ADGRG6: variants seen among roughly 807,000 people sequenced by gnomAD.
ADGRG6 encodes the protein adhesion G protein-coupled receptor G6, also known as G-protein coupled receptor 126.
Under a neutral mutation model 142.4 loss-of-function variants are expected in ADGRG6, and 84 were observed. The ratio of observed to expected loss-of-function variants is 0.59; its 90% CI spans 0.49 to 0.71. The LOEUF is 0.71. Among genes scored for constraint, ADGRG6 ranks in the 30% least tolerant of loss-of-function variants. The pLI is 0.00. For synonymous variants in ADGRG6, 521 were observed against 520.5 expected (o/e 1.00, Z -0.01); for missense variants, 1,367 against 1,466.6 (o/e 0.93, Z 1.11).
At chr6:142,363,375 A>T (rs994895426) in intron 2 of ADGRG6, among the ~76,000 whole-genome samples, 1 of 152,168 alleles carries the variant, frequency 6.6e-6, no homozygotes. Context: ...TTAAATCTAT[A>T]TCAAAATGTT....
chr6:142,329,243 T>C (rs571365831), intron 2 of ADGRG6, among the ~76,000 whole-genome samples: 2 of 152,176 alleles, frequency 1.3e-5, no homozygotes, highest in Non-Finnish European at 2.9e-5. Flanking sequence ...CCAAGGACTT[T>C]AAAAATGAAC....
intron 2 of ADGRG6, among the ~76,000 whole-genome samples, chr6:142,323,231 C>T (rs1253125847): frequency 2.0e-5 from 3 of 151,554 alleles, no homozygotes; most frequent in Admixed American, 6.6e-5. Context: ...AGATGGCTTG[C>T]GGGTTATACA....
At chr6:142,372,972 A>G (rs2114882357) in intron 4 of ADGRG6, among the ~76,000 whole-genome samples, 1 of 152,356 alleles carries the variant, frequency 6.6e-6, no homozygotes, top group Non-Finnish European at 1.5e-5. Flanking sequence ...TAATACTTAT[A>G]TTTAAATTGA....
intron 2 of ADGRG6, among the ~76,000 whole-genome samples, chr6:142,338,687 A>C (rs1009815032): frequency 6.6e-6 from 1 of 152,138 alleles, no homozygotes; most frequent in Admixed American, 6.5e-5. Context: ...GCTATTGCAT[A>C]AATAGTTGTA....
Position 142,403,811 on chromosome 6 carries a change from A to T in ADGRG6, c.1965A>T (p.Lys655Asn). The T allele has an allele frequency of 6.3e-7, 1 of 1,575,922 alleles. No individual in the cohort carries two copies. The highest frequency in any genetic ancestry group is 8.6e-7 in the Non-Finnish European group (1 of 1,165,904). Residue 655 changes from lysine (K) to asparagine (N), a missense_variant, in exon 14 of 25, where the codon AAA becomes AAT. This residue lies in a region of ADGRG6 where 286 missense variants were observed against 371.4 expected (regional missense o/e 0.77). Transcript: ENST00000367609. ...DLLESSSEAL[K>N]TIDELAFKID... ...TTTGTCGTTACTTTAGAGCTTTAAA[A>T]ACAATTGATGAATTGGCCTTCAAGA...
At position 142,415,826 on chromosome 6, in the gene ADGRG6, C is replaced by G. The variant is rs550663402; in HGVS notation, c.2700C>G (p.Ile900Met). 2.5e-6 allele frequency: 4 copies of G among 1,612,496 alleles called. No individual in the cohort carries two copies. The highest frequency in any genetic ancestry group is 3.4e-6 in the Non-Finnish European group (4 of 1,178,856). Residue 900 changes from isoleucine to methionine, a missense_variant, in exon 20 of 25, where the codon ATC becomes ATG. Ile to Met is a conservative substitution (Grantham distance 10, BLOSUM62 1). Around this residue, in one of 3 missense-constraint regions of ADGRG6, gnomAD observed 286 missense variants for 371.4 expected, o/e 0.77. Transcript: ENST00000367609. ...EKLRRDYPSK[I>M]LMNLSTALLF... ...TGCGAAGGGATTATCCCTCCAAAAT[C>G]TTGATGAACCTGAGCACAGCCCTGC...
chr6:142,315,460 G>T (rs917763500), intron 2 of ADGRG6, among the ~76,000 whole-genome samples: 11 of 152,066 alleles, frequency 7.2e-5, no homozygotes, highest in Non-Finnish European at 1.6e-4. Context: ...GTAGTATGGG[G>T]AGGAAGGTTT....
intron 8 of ADGRG6, among the ~76,000 whole-genome samples, chr6:142,393,386 A>G (rs1775008663): frequency 6.6e-6 from 1 of 152,048 alleles, no homozygotes; most frequent in African/African-American, 2.4e-5. Flanking sequence ...AATTTCGTAC[A>G]TCGACAGTCT....
intron 17 of ADGRG6, among the ~76,000 whole-genome samples, chr6:142,410,224 A>G (rs1221759097): frequency 6.6e-6 from 1 of 152,082 alleles, no homozygotes; most frequent in Non-Finnish European, 1.5e-5. Context: ...GCTACTTTTG[A>G]TGAAAGTAGA....
chr6:142,370,312 C>G lies in ADGRG6; in HGVS notation c.588C>G (p.Asp196Glu). ...AAGCAACCAAAGTTGGCCATGAAGA[C>G]AGTGATTGGACAGCTTTCTCCTACT... ...CFEATKVGHE[D>E]SDWTAFSYSN... Residue 196 changes from aspartate (D) to glutamate (E), a missense_variant, in exon 4 of 25, where the codon GAC becomes GAG. By Grantham distance (45) the Asp-to-Glu change is conservative. Coordinates refer to ENST00000367609, the MANE Select transcript of ADGRG6 (RefSeq NM_198569.3). 1 of 1,613,826 alleles carries G rather than the reference C, an allele frequency of 6.2e-7. No individual in the cohort carries two copies. The highest frequency in any genetic ancestry group is 8.5e-7 in the Non-Finnish European group (1 of 1,179,778).
intron 2 of ADGRG6, among the ~76,000 whole-genome samples, chr6:142,353,639 T>C (rs1780295099): frequency 6.6e-6 from 1 of 152,222 alleles, no homozygotes; most frequent in Admixed American, 6.5e-5. Context: ...CCTTGATTAA[T>C]GGTTTTGTTT....
chr6:142,319,503 G>A (rs377166862), intron 2 of ADGRG6, among the ~76,000 whole-genome samples: 10 of 152,132 alleles, frequency 6.6e-5, no homozygotes, highest in African/African-American at 2.4e-4. Context: ...TTTACATGAA[G>A]TTTTTCATAT....
chr6:142,443,617 T>C lies in ADGRG6; in HGVS notation c.*102T>C. The C allele has an allele frequency of 1.5e-6, 1 of 686,586 alleles. No individual in the cohort carries two copies. The highest frequency in any genetic ancestry group is 2.5e-6 in the Non-Finnish European group (1 of 407,942). 42.5% of individuals were successfully genotyped at this position (686,586 alleles called of 1,614,324 possible). A position where few individuals can be genotyped will look rare whatever the true frequency, so the allele number is the denominator to read the frequency against. On this transcript the variant is annotated 3_prime_UTR_variant, in exon 25 of 25. Coordinates refer to ENST00000367609, the MANE Select transcript of ADGRG6 (RefSeq NM_198569.3). ...ATGTGCTATTACCTAGGTAACTGCA[T>C]ATATATAAGGAATGTATTTTGTTAA...
chr6:142,349,119 CT>C (rs1780040578), intron 2 of ADGRG6, among the ~76,000 whole-genome samples: 1 of 152,238 alleles, frequency 6.6e-6, no homozygotes, highest in African/African-American at 2.4e-5. Flanking sequence ...ACTGTTTTCA[CT>C]GTATCACTGC....
chr6:142,397,259 G>A (rs1775245569), intron 9 of ADGRG6, among the ~76,000 whole-genome samples: 1 of 151,394 alleles, frequency 6.6e-6, no homozygotes, highest in South Asian at 2.1e-4. Context: ...ATTAATTTGG[G>A]GCCACAAAGA....
intron 2 of ADGRG6, among the ~76,000 whole-genome samples, chr6:142,331,117 A>G (rs1258904907): frequency 2.0e-5 from 3 of 150,760 alleles, no homozygotes; most frequent in African/African-American, 7.4e-5. Context: ...TATGGAATAC[A>G]GCAGGGTAGA....
intron 22 of ADGRG6, among the ~76,000 whole-genome samples, chr6:142,430,560 A>C (rs573088503): frequency 6.6e-6 from 1 of 152,348 alleles, no homozygotes; most frequent in Non-Finnish European, 1.5e-5. Context: ...AACAAGCAAA[A>C]GGAATGAGTT....
At chr6:142,311,647 T>C (rs944842436) in intron 2 of ADGRG6, among the ~76,000 whole-genome samples, 19 of 151,998 alleles carry the variant, frequency 1.3e-4, no homozygotes, top group Non-Finnish European at 2.7e-4. Context: ...TATCCCTGTT[T>C]ACACTTTTGT....
intron 2 of ADGRG6, among the ~76,000 whole-genome samples, chr6:142,360,347 G>C (rs1322089085): frequency 6.6e-6 from 1 of 152,192 alleles, no homozygotes; most frequent in Non-Finnish European, 1.5e-5. Flanking sequence ...GAAGGCTTTT[G>C]TTCAGATGAG....
Sources: allele counts gnomAD v4.1 joint callset (sites outside exome capture counted in the v4.1 genomes callset), GRCh38; gene constraint gnomAD v4.1.1; regional missense constraint gnomAD v4.1.1; transcripts MANE v1.5; gene names NCBI Gene and HGNC (gene_info 2026-07-23, HGNC 2026-07-21).